The following MTHFD2L variants were observed in gnomAD, a reference collection of about 807,000 sequenced individuals.
The protein encoded by MTHFD2L is methylenetetrahydrofolate dehydrogenase (NADP+ dependent) 2 like.
In MTHFD2L, 29 loss-of-function variants were observed where a neutral mutation model predicts 34.9. The observed-to-expected ratio is 0.83, with a 90% confidence interval of 0.62 to 1.13. The LOEUF is 1.13. Ranked by LOEUF, MTHFD2L falls within the 50% of genes most tolerant of loss-of-function variation. MTHFD2L has a pLI of 0.00. For synonymous variants in MTHFD2L, 167 were observed against 155.7 expected, an observed-to-expected ratio of 1.07 and a Z score of -0.54; for missense variants, 481 against 446.5, an observed-to-expected ratio of 1.08 and a Z score of -0.70.
chr4:74,277,840 A>G (rs886468637), intron 6 of MTHFD2L, among the ~76,000 whole-genome samples: 1 of 149,226 alleles, frequency 6.7e-6, no homozygotes, highest in South Asian at 2.1e-4. Flanking sequence ...TTTGTTTCTG[A>G]GATAGGTAGC....
At chr4:74,191,215 C>T (rs1001534387) in intron 3 of MTHFD2L, among the ~76,000 whole-genome samples, 2 of 152,048 alleles carry the variant, frequency 1.3e-5, no homozygotes, top group African/African-American at 2.4e-5. Context: ...TGTGCCTGGT[C>T]CTCACTTATA....
intron 6 of MTHFD2L, among the ~76,000 whole-genome samples, chr4:74,231,914 C>CA (rs1328216531): frequency 1.1e-4 from 17 of 150,430 alleles, no homozygotes; most frequent in East Asian, 3.9e-4. Context: ...TAACACTTCT[C>CA]AAAAAAAAAC....
At chr4:74,185,921 A>T (rs1731150867) in intron 3 of MTHFD2L, among the ~76,000 whole-genome samples, 3 of 152,190 alleles carry the variant, frequency 2.0e-5, no homozygotes, top group Admixed American at 2.0e-4. Flanking sequence ...CCTTGCAAAG[A>T]CATTACAAGA....
intron 6 of MTHFD2L, among the ~76,000 whole-genome samples, chr4:74,253,995 G>A (rs1578627168): frequency 1.3e-5 from 2 of 152,172 alleles, no homozygotes; most frequent in Admixed American, 1.3e-4. Context: ...CCAGTAGCAG[G>A]ACAGGGTCCA....
intron 5 of MTHFD2L, among the ~76,000 whole-genome samples, chr4:74,205,010 G>C (rs1270747704): frequency 1.3e-5 from 2 of 152,082 alleles, no homozygotes; most frequent in African/African-American, 4.8e-5. Context: ...TTATAATACT[G>C]GTTACTTAGA....
rs151268248 is a variant in MTHFD2L at position 74,302,088 on chromosome 4, C to T, written c.*279C>T. 3.5e-4 allele frequency: 83 copies of T among 234,916 alleles called. No homozygotes were observed. Among genetic ancestry groups the T allele is most frequent in the African/African-American group, 1.4e-3 (62 of 44,514 alleles). The allele number at this position is 234,916 out of a possible 1,614,324, so 14.6% of individuals were successfully genotyped here. ...CATAACATTAAAACAATAAAGGGCT[C>T]ATAATAAATAAATATATTTTTGACA... On this transcript the variant is annotated 3_prime_UTR_variant, in exon 8 of 8. Coordinates refer to ENST00000325278, the MANE Select transcript of MTHFD2L (RefSeq NM_001144978.3).
chr4:74,234,861 CAGAG>C (rs766559765), intron 6 of MTHFD2L, among the ~76,000 whole-genome samples: 39 of 150,966 alleles, frequency 2.6e-4, no homozygotes, highest in Middle Eastern at 3.4e-3. Flanking sequence ...AAAATAAAAA[CAGAG>C]AGAGAGAGCA....
intron 3 of MTHFD2L, among the ~76,000 whole-genome samples, chr4:74,189,247 A>G (rs192071819): frequency 2.1e-4 from 32 of 152,260 alleles, no homozygotes; most frequent in Non-Finnish European, 3.4e-4. Context: ...AGTTCATTCA[A>G]AGAAAAAATA....
chr4:74,255,345 A>G (rs1743894900), intron 6 of MTHFD2L, among the ~76,000 whole-genome samples: 2 of 152,092 alleles, frequency 1.3e-5, no homozygotes, highest in South Asian at 4.1e-4. Context: ...CCACAAAGAA[A>G]AAAACATGTA....
chr4:74,183,877 T>C (rs1157686453), intron 3 of MTHFD2L: 2 of 152,082 alleles, frequency 1.3e-5, no homozygotes, highest in African/African-American at 2.4e-5. Flanking sequence ...CCAAAAACAA[T>C]GTAGTTTGTG....
chr4:74,143,677 T>C (rs759159186), intron 1 of MTHFD2L, among the ~76,000 whole-genome samples: 2 of 152,166 alleles, frequency 1.3e-5, no homozygotes, highest in African/African-American at 2.4e-5. Context: ...GTTATCATAC[T>C]AGAACATTGG....
chr4:74,186,090 A>G (rs1046602815), intron 3 of MTHFD2L, among the ~76,000 whole-genome samples: 3 of 152,128 alleles, frequency 2.0e-5, no homozygotes, highest in Non-Finnish European at 4.4e-5. Context: ...ACAGTAAACA[A>G]TGTATTTTAC....
Position 74,190,506 on chromosome 4 carries a change from C to T in MTHFD2L, c.452-9288C>T, listed in dbSNP as rs1024011654. ...GTGGAGAACCAGACCCACCTTTTTC[C>T]GGCCTAGAGAACTCCTTCCAGTCTA... On this transcript the variant is annotated intron_variant, in intron 3 of 7. Coordinates refer to ENST00000325278, the MANE Select transcript of MTHFD2L (RefSeq NM_001144978.3). The T allele has an allele frequency of 6.0e-5, 59 of 985,320 alleles. No individual in the cohort carries two copies. In the Admixed American group the frequency reaches 1.1e-3, roughly 18 times the overall value. 61.0% of individuals were successfully genotyped at this position (985,320 alleles called of 1,614,324 possible). A position where few individuals can be genotyped will look rare whatever the true frequency, so the allele number is the denominator to read the frequency against.
At chr4:74,186,461 A>G (rs976702624) in intron 3 of MTHFD2L, among the ~76,000 whole-genome samples, 1 of 148,362 alleles carries the variant, frequency 6.7e-6, no homozygotes, top group Admixed American at 6.7e-5. Flanking sequence ...AAAAAAAAAC[A>G]GCTACTAGTA....
chr4:74,191,790 C>T (rs1291186548), intron 3 of MTHFD2L, among the ~76,000 whole-genome samples: 1 of 152,050 alleles, frequency 6.6e-6, no homozygotes, highest in Non-Finnish European at 1.5e-5. Context: ...AACTCCTGAC[C>T]TCATGATTCA....
intron 7 of MTHFD2L, 84 bp downstream of exon 7, chr4:74,281,634 TGGAG>T: frequency 7.4e-7 from 1 of 1,354,508 alleles, no homozygotes; most frequent in Non-Finnish European, 1.0e-6. Context: ...GTTTCATTTA[TGGAG>T]GAATTATTAA....
intron 3 of MTHFD2L, chr4:74,195,308 T>C (rs1471406234): frequency 6.6e-6 from 1 of 152,234 alleles, no homozygotes; most frequent in Non-Finnish European, 1.5e-5. Flanking sequence ...TGTGATCAAA[T>C]ATGTACTTCA....
intron 6 of MTHFD2L, among the ~76,000 whole-genome samples, chr4:74,274,859 C>T (rs1746412817): frequency 6.6e-6 from 1 of 152,010 alleles, no homozygotes; most frequent in African/African-American, 2.4e-5. Context: ...TCCTGGAGAG[C>T]CAGTTAAACT....
upstream of MTHFD2L, among the ~76,000 whole-genome samples, chr4:74,122,355 GGA>G (rs994144479): frequency 1.3e-5 from 2 of 152,000 alleles, no homozygotes; most frequent in East Asian, 1.9e-4. Context: ...CATGGTGACA[GGA>G]GAGAGAGAGA....
Sources: allele counts gnomAD v4.1 joint callset (sites outside exome capture counted in the v4.1 genomes callset), GRCh38; gene constraint gnomAD v4.1.1; transcripts MANE v1.5; gene names NCBI Gene and HGNC (gene_info 2026-07-23, HGNC 2026-07-21).